SLC25A48: variants seen among roughly 807,000 people sequenced by gnomAD.
SLC25A48 encodes CTC-321K16.1.
A neutral mutation model predicts 32.2 loss-of-function variants in SLC25A48; 29 were observed. That is an observed-to-expected ratio of 0.90 (90% CI 0.67 to 1.23). The LOEUF is 1.23. Among genes scored for constraint, SLC25A48 ranks in the 50% most tolerant of loss-of-function variants. The pLI is 0.00. For missense variants in SLC25A48, 399 were observed against 422.7 expected (o/e 0.94, Z 0.49); for synonymous variants, 164 against 172.3 (o/e 0.95, Z 0.38).
intron 1 of SLC25A48, among the ~76,000 whole-genome samples, chr5:135,588,872 A>G (rs1751438817): frequency 6.6e-6 from 1 of 152,158 alleles, no homozygotes; most frequent in African/African-American, 2.4e-5. Flanking sequence ...TTGACTGGAA[A>G]ATTGGATTTG....
chr5:135,876,131 CTTTTTTTTTTTTTTTTT>C (rs1182130199), intron 6 of SLC25A48: 4 of 24,398 alleles, frequency 1.6e-4, no homozygotes, highest in African/African-American at 4.3e-4. Flanking sequence ...TTTTCTTCTT[CTTTTTTTTTTTTTTTTT>C]TTTTTTTTTT....
At chr5:135,741,500 G>A (rs1755500524) in intron 3 of SLC25A48, among the ~76,000 whole-genome samples, 1 of 152,204 alleles carries the variant, frequency 6.6e-6, no homozygotes. Flanking sequence ...CACTTTGGGA[G>A]GCCAAGGCAG....
chr5:135,756,035 T>C (rs996784216), intron 3 of SLC25A48, among the ~76,000 whole-genome samples: 9 of 152,100 alleles, frequency 5.9e-5, no homozygotes, highest in South Asian at 4.1e-4. Context: ...TCATATAATA[T>C]CTAGTGTCAA....
intron 3 of SLC25A48, among the ~76,000 whole-genome samples, chr5:135,705,231 T>C (rs1206919476): frequency 6.6e-6 from 1 of 152,218 alleles, no homozygotes; most frequent in African/African-American, 2.4e-5. Context: ...CAGAGAGCAG[T>C]GGCCCTTGTG....
At chr5:135,771,853 G>T (rs1445230815) in intron 3 of SLC25A48, among the ~76,000 whole-genome samples, 2 of 151,280 alleles carry the variant, frequency 1.3e-5, no homozygotes, top group Non-Finnish European at 3.0e-5. Flanking sequence ...CTCAGGGGTT[G>T]TACACAACCC....
At chr5:135,754,532 T>G (rs1187170842) in intron 3 of SLC25A48, among the ~76,000 whole-genome samples, 1 of 151,888 alleles carries the variant, frequency 6.6e-6, no homozygotes, top group East Asian at 1.9e-4. Context: ...TAAAGTATCA[T>G]TCTGATATAA....
chr5:135,622,695 G>C (rs2126899930), intron 1 of SLC25A48, among the ~76,000 whole-genome samples: 1 of 152,234 alleles, frequency 6.6e-6, no homozygotes, highest in Middle Eastern at 3.4e-3. Context: ...GATTAGATTT[G>C]AGCAATTTTA....
chr5:135,672,433 C>T (rs1753678350), intron 3 of SLC25A48, among the ~76,000 whole-genome samples: 2 of 152,166 alleles, frequency 1.3e-5, no homozygotes, highest in African/African-American at 2.4e-5. Flanking sequence ...AGTCCATCAC[C>T]AGACAGGTTA....
At chr5:135,859,480 C>T (rs935656007) in intron 4 of SLC25A48, among the ~76,000 whole-genome samples, 3 of 152,210 alleles carry the variant, frequency 2.0e-5, no homozygotes, top group African/African-American at 7.2e-5. Flanking sequence ...TGGGTAGAGA[C>T]ACAGCCAAAT....
chr5:135,768,499 A>G (rs1756308415), intron 3 of SLC25A48, among the ~76,000 whole-genome samples: 1 of 151,300 alleles, frequency 6.6e-6, no homozygotes, highest in Non-Finnish European at 1.5e-5. Flanking sequence ...GATACGTTTC[A>G]TAATGTCTGG....
At chr5:135,809,657 C>A (rs1261358270) in intron 3 of SLC25A48, among the ~76,000 whole-genome samples, 1 of 152,166 alleles carries the variant, frequency 6.6e-6, no homozygotes, top group Non-Finnish European at 1.5e-5. Context: ...CAACCTCTGG[C>A]CCCTGGCAAC....
At chr5:135,809,803 G>A (rs907137028) in intron 3 of SLC25A48, among the ~76,000 whole-genome samples, 6 of 152,200 alleles carry the variant, frequency 3.9e-5, no homozygotes, top group African/African-American at 1.4e-4. Flanking sequence ...GCTGTTTTGA[G>A]TAGTACTGGT....
intron 7 of SLC25A48, among the ~76,000 whole-genome samples, chr5:135,886,627 ATATATAT>A (rs1561567704): frequency 0.024 from 657 of 27,078 alleles, 36 homozygotes; most frequent in African/African-American, 0.088. Flanking sequence ...ATATATATAT[ATATATAT>A]ATAAAATATA....
At chr5:135,587,305 C>T (rs7720159) in intron 1 of SLC25A48, among the ~76,000 whole-genome samples, 13,303 of 152,212 alleles carry the variant, frequency 0.087, 588 homozygotes, top group South Asian at 0.15. Flanking sequence ...AATTCTGGAA[C>T]TACAGGTGTG....
At chr5:135,661,076 A>T (rs900468155) in intron 3 of SLC25A48, among the ~76,000 whole-genome samples, 1 of 152,190 alleles carries the variant, frequency 6.6e-6, no homozygotes, top group Non-Finnish European at 1.5e-5. Flanking sequence ...GCCCTAAAGG[A>T]AATGGGTGAG....
At chr5:135,850,389 C>T in intron 2 of SLC25A48, 36 bp from the exon 3 acceptor site, 2 of 1,609,742 alleles carry the variant, frequency 1.2e-6, no homozygotes, top group East Asian at 4.5e-5. Flanking sequence ...TATGAATAAC[C>T]TCTGCGCTGA....
At chr5:135,766,830 T>TGTACAC (rs1756245374) in intron 3 of SLC25A48, among the ~76,000 whole-genome samples, 1 of 151,148 alleles carries the variant, frequency 6.6e-6, no homozygotes, top group Admixed American at 6.6e-5. Context: ...GTGTACACCA[T>TGTACAC]CTTGCGATAT....
At chr5:135,630,326 C>T (rs1248986159) in intron 2 of SLC25A48, among the ~76,000 whole-genome samples, 1 of 152,180 alleles carries the variant, frequency 6.6e-6, no homozygotes, top group African/African-American at 2.4e-5. Context: ...AGAAAAATCT[C>T]TTCCTTAGCT....
At chr5:135,859,208 T>G (rs1458190926) in intron 4 of SLC25A48, among the ~76,000 whole-genome samples, 1 of 152,114 alleles carries the variant, frequency 6.6e-6, no homozygotes, top group Admixed American at 6.5e-5. Context: ...GAGGTTTAAT[T>G]GACTCACAGT....
Sources: gnomAD v4.1 joint callset for allele counts (sites outside exome capture counted in the v4.1 genomes callset) on GRCh38, gnomAD v4.1.1 for gene constraint, MANE v1.5 for transcripts, NCBI Gene and HGNC (gene_info 2026-07-23, HGNC 2026-07-21) for gene names.